Variants in DNAH6 observed in about 807,000 individuals in gnomAD.
DNAH6 encodes dynein axonemal heavy chain 6, also known as axonemal beta dynein heavy chain 6.
In DNAH6, 340 loss-of-function variants were observed where a neutral mutation model predicts 491.4. The ratio of observed to expected loss-of-function variants is 0.69; its 90% CI spans 0.63 to 0.76. The LOEUF is 0.76. Among genes scored for constraint, DNAH6 ranks in the 30% least tolerant of loss-of-function variants. The probability of loss-of-function intolerance (pLI) is 0.00; values close to 1 mark genes in which losing one functional copy is unlikely to be tolerated. For missense variants in DNAH6, 4,443 were observed against 4,972.2 expected (o/e 0.89, Z 3.20); for synonymous variants, 1,603 against 1,686.1 (o/e 0.95, Z 1.21).
chr2:84,780,918 T>C (rs1460329588), intron 64 of DNAH6, among the ~76,000 whole-genome samples: 1 of 152,206 alleles, frequency 6.6e-6, no homozygotes, highest in African/African-American at 2.4e-5. Context: ...GTTTCCCACA[T>C]TGGCTTTCAC....
chr2:84,612,097 G>T (rs1047280153), intron 22 of DNAH6, among the ~76,000 whole-genome samples: 1 of 151,938 alleles, frequency 6.6e-6, no homozygotes, highest in Non-Finnish European at 1.5e-5. Context: ...TTTCGGAAAA[G>T]GAGAATCTGC....
At chr2:84,778,173 CTCT>C in intron 64 of DNAH6, 2 of 725,052 alleles carry the variant, frequency 2.8e-6, no homozygotes, top group Non-Finnish European at 5.1e-6. Flanking sequence ...CTGGGGAGGT[CTCT>C]TCTTCCTGTA....
intron 59 of DNAH6, among the ~76,000 whole-genome samples, chr2:84,720,668 G>A (rs1698055798): frequency 1.3e-5 from 2 of 152,108 alleles, no homozygotes; most frequent in Admixed American, 1.3e-4. Context: ...TGCCAGTGTA[G>A]GAATCCATTT....
rs751791447 is a variant in DNAH6 at position 84,813,054 on chromosome 2, T to A, written c.11926-4T>A. 3.3e-4 allele frequency: 512 copies of A among 1,549,948 alleles called. No individual in the cohort carries two copies. The highest frequency in any genetic ancestry group is 4.3e-4 in the Non-Finnish European group (490 of 1,145,488). On this transcript the variant is annotated splice_region_variant and splice_polypyrimidine_tract_variant and intron_variant, in intron 73 of 76. Coordinates refer to ENST00000389394, the MANE Select transcript of DNAH6 (RefSeq NM_001370.2). ...CGTTTATTATGAATATGTTTCTCCT[T>A]CAGCTGTGGCTCAAAAGAGGACAGC...
intron 39 of DNAH6, among the ~76,000 whole-genome samples, chr2:84,671,192 G>C (rs1014614745): frequency 1.1e-4 from 17 of 152,182 alleles, no homozygotes; most frequent in Non-Finnish European, 1.3e-4. Context: ...TCTGTGGCTG[G>C]TCCCTGCTTC....
At chr2:84,474,637 C>G in the DNAH6 span, among the ~76,000 whole-genome samples, 1 of 152,076 alleles carries the variant, frequency 6.6e-6, no homozygotes, top group Non-Finnish European at 1.5e-5. Flanking sequence ...AAGTCTTTAC[C>G]CCATAAATTA....
At chr2:84,604,810 C>A (rs113220583) in intron 19 of DNAH6, among the ~76,000 whole-genome samples, 6 of 152,122 alleles carry the variant, frequency 3.9e-5, no homozygotes, top group African/African-American at 1.4e-4. Flanking sequence ...AAATCATATA[C>A]CAAGAATGAT....
At chr2:84,756,069 CCT>C (rs1469810981) in intron 63 of DNAH6, among the ~76,000 whole-genome samples, 1 of 152,172 alleles carries the variant, frequency 6.6e-6, no homozygotes, top group East Asian at 1.9e-4. Flanking sequence ...TCCAATTAAA[CCT>C]CTTTCTTTTG....
At chr2:84,754,801 C>A (rs1344591046) in intron 63 of DNAH6, among the ~76,000 whole-genome samples, 1 of 152,186 alleles carries the variant, frequency 6.6e-6, no homozygotes, top group Admixed American at 6.5e-5. Context: ...TTACAATGAG[C>A]TTGTCAGTTC....
chr2:84,707,140 C>T, intron 53 of DNAH6, 121 bp downstream of exon 53: 3 of 1,145,644 alleles, frequency 2.6e-6, no homozygotes, highest in Non-Finnish European at 1.2e-6. Context: ...TCATTAGCCT[C>T]CTAGGATCAA....
chr2:84,770,494 A>T (rs941137244), intron 64 of DNAH6, among the ~76,000 whole-genome samples: 9 of 152,192 alleles, frequency 5.9e-5, no homozygotes, highest in Non-Finnish European at 8.8e-5. Flanking sequence ...GACTCACCAA[A>T]ATAGAGAATA....
intron 63 of DNAH6, among the ~76,000 whole-genome samples, chr2:84,747,131 C>A (rs893773398): frequency 1.3e-5 from 2 of 152,112 alleles, no homozygotes; most frequent in Non-Finnish European, 2.9e-5. Flanking sequence ...TCCTGGCCCC[C>A]AAAATCTCAT....
chr2:84,565,995 G>C (rs980292179), intron 11 of DNAH6, among the ~76,000 whole-genome samples: 6 of 151,922 alleles, frequency 3.9e-5, no homozygotes, highest in Admixed American at 2.0e-4. Flanking sequence ...TGTTACATGT[G>C]AGATGGTTCT....
chr2:84,806,639 AAAAG>A (rs1475402973), intron 71 of DNAH6, among the ~76,000 whole-genome samples: 1 of 139,186 alleles, frequency 7.2e-6, no homozygotes, highest in East Asian at 2.0e-4. Flanking sequence ...AAAAAAAAAA[AAAAG>A]GTCTTCCTGA....
At chr2:84,816,472 C>A (rs941424731) in intron 76 of DNAH6, among the ~76,000 whole-genome samples, 2 of 152,068 alleles carry the variant, frequency 1.3e-5, no homozygotes, top group Non-Finnish European at 2.9e-5. Flanking sequence ...CCCTTTAATC[C>A]CAGCACTTTG....
At chr2:84,532,993 A>C (rs1475921749) in intron 4 of DNAH6, among the ~76,000 whole-genome samples, 1 of 152,154 alleles carries the variant, frequency 6.6e-6, no homozygotes, top group African/African-American at 2.4e-5. Context: ...TATACAGTAC[A>C]CGTATGAGAA....
At chr2:84,784,416 G>A (rs1249922984) in intron 65 of DNAH6, among the ~76,000 whole-genome samples, 1 of 152,144 alleles carries the variant, frequency 6.6e-6, no homozygotes, top group Non-Finnish European at 1.5e-5. Context: ...AACTGAAAAT[G>A]TTTCCTATTT....
chr2:84,623,133 G>A (rs544323321), intron 26 of DNAH6, among the ~76,000 whole-genome samples: 1 of 152,286 alleles, frequency 6.6e-6, no homozygotes, highest in South Asian at 2.1e-4. Flanking sequence ...ACCTGAAACT[G>A]TAAAATCCCT....
chr2:84,763,806 A>G (rs1674821885), intron 64 of DNAH6, among the ~76,000 whole-genome samples: 1 of 144,552 alleles, frequency 6.9e-6, no homozygotes, highest in African/African-American at 2.8e-5. Context: ...CTGGAAACTC[A>G]GCACAGCTGA....
Sources: allele counts gnomAD v4.1 joint callset (sites outside exome capture counted in the v4.1 genomes callset), GRCh38; gene constraint gnomAD v4.1.1; transcripts MANE v1.5; gene names NCBI Gene and HGNC (gene_info 2026-07-23, HGNC 2026-07-21).